Variants in ZFYVE16 observed in about 807,000 individuals in gnomAD.
ZFYVE16 encodes zinc finger FYVE-type containing 16.
A neutral mutation model predicts 138.1 loss-of-function variants in ZFYVE16; 89 were observed. The ratio of observed to expected loss-of-function variants is 0.64; its 90% CI spans 0.54 to 0.77. The LOEUF (loss-of-function observed/expected upper bound fraction) is 0.77, where lower values mean the gene tolerates loss of function less well. Ranked by LOEUF, ZFYVE16 falls within the 30% of genes least tolerant of loss-of-function variation. The pLI is 0.00. For synonymous variants in ZFYVE16, 596 were observed against 618.3 expected (o/e 0.96, Z 0.53); for missense variants, 1,793 against 1,786.7 (o/e 1.00, Z -0.06).
intron 14 of ZFYVE16, among the ~76,000 whole-genome samples, chr5:80,458,704 T>G (rs1374949283): frequency 6.6e-6 from 1 of 152,228 alleles, no homozygotes; most frequent in East Asian, 1.9e-4. Flanking sequence ...TGTACACATT[T>G]GAACCTATCT....
rs560852546 is a variant in ZFYVE16 at position 80,415,761 on chromosome 5, G to A, written c.-94+7608G>A. ...CAGCTCACTGCAACCTCTGCCTACC[G>A]GGTTCAAGCGATTCTCCTGCCTCAG... On this transcript the variant is annotated intron_variant, in intron 1 of 18. Coordinates refer to ENST00000505560, the MANE Select transcript of ZFYVE16 (RefSeq NM_001284236.3). Among the ~76,000 whole-genome samples the A allele has an allele frequency of 1.3e-4, 20 of 152,056 alleles. 1 individual carries two copies. Among genetic ancestry groups the A allele is most frequent in the African/African-American group, 4.1e-4 (17 of 41,492 alleles).
chr5:80,410,942 C>T (rs1561216396), intron 1 of ZFYVE16, among the ~76,000 whole-genome samples: 1 of 146,314 alleles, frequency 6.8e-6, no homozygotes, highest in East Asian at 2.0e-4. Flanking sequence ...GAGCACATGC[C>T]TTTTTTTTTT....
intron 1 of ZFYVE16, among the ~76,000 whole-genome samples, chr5:80,412,828 A>G (rs1745644782): frequency 6.6e-6 from 1 of 152,338 alleles, no homozygotes; most frequent in African/African-American, 2.4e-5. Flanking sequence ...TAATGTTTAT[A>G]TTTATCGAAG....
chr5:80,456,840 C>T (rs1462373216), intron 13 of ZFYVE16, 105 bp from the exon 14 acceptor site: 19 of 1,333,682 alleles, frequency 1.4e-5, no homozygotes, highest in Admixed American at 6.1e-5. Flanking sequence ...CTGTCCAGAC[C>T]GAAGCTTGAT....
intron 1 of ZFYVE16, among the ~76,000 whole-genome samples, chr5:80,424,943 G>C (rs259025): frequency 0.78 from 119,135 of 152,234 alleles, 49,509 homozygotes; most frequent in East Asian, 0.92. Context: ...TTTGTTGCCA[G>C]CATAATTATT....
At chr5:80,434,062 T>G in intron 2 of ZFYVE16, 47 bp from the exon 3 acceptor site, 1 of 1,298,184 alleles carries the variant, frequency 7.7e-7, no homozygotes, top group Non-Finnish European at 1.1e-6. Context: ...TGGCATAAAA[T>G]TTGTTATGTA....
intron 15 of ZFYVE16, among the ~76,000 whole-genome samples, chr5:80,470,673 G>C (rs1034890617): frequency 3.3e-5 from 5 of 151,908 alleles, no homozygotes; most frequent in Admixed American, 6.6e-5. Flanking sequence ...ACCACACCTG[G>C]CTAATTTTTA....
chr5:80,408,937 T>A (rs1333671964), intron 1 of ZFYVE16, among the ~76,000 whole-genome samples: 1 of 151,768 alleles, frequency 6.6e-6, no homozygotes, highest in Admixed American at 6.6e-5. Context: ...TGGCGGGAGT[T>A]TAATGGTTTA....
At chr5:80,473,174 C>G (rs980217574) in intron 16 of ZFYVE16, among the ~76,000 whole-genome samples, 1 of 152,118 alleles carries the variant, frequency 6.6e-6, no homozygotes, top group Non-Finnish European at 1.5e-5. Flanking sequence ...TGTTGTGTAG[C>G]AGTGTGGGCT....
intron 1 of ZFYVE16, among the ~76,000 whole-genome samples, chr5:80,408,808 G>A (rs1166741176): frequency 1.3e-5 from 2 of 152,268 alleles, no homozygotes; most frequent in East Asian, 3.9e-4. Context: ...AGTTTGACTT[G>A]TATGAAAACC....
chr5:80,436,170 A>T (rs1314215076), intron 3 of ZFYVE16, among the ~76,000 whole-genome samples: 1 of 152,292 alleles, frequency 6.6e-6, no homozygotes, highest in East Asian at 1.9e-4. Flanking sequence ...GTAACAGGAG[A>T]ATGCCTCTTA....
At chr5:80,440,603 C>G (rs1750563924) in intron 5 of ZFYVE16, 2 of 981,078 alleles carry the variant, frequency 2.0e-6, no homozygotes, top group Admixed American at 6.4e-5. Context: ...TTCTTTGGCT[C>G]TCTAATTAGC....
chr5:80,455,763 A>G lies in ZFYVE16; in HGVS notation c.3679A>G (p.Asn1227Asp), dbSNP rs1161453623. ...LFGEIGHTIM[N>D]LLVDLRNYQY... ...TGGAGAAATAGGACACACTATTATGAACTTACTTGTTGTGAGTAATTGAAC... is the reference window on the plus strand; with the variant it reads ...TGGAGAAATAGGACACACTATTATGGACTTACTTGTTGTGAGTAATTGAAC... The change falls in exon 12 of 19, where the codon AAC becomes GAC. Residue 1227 changes from asparagine to aspartate, a missense_variant. Asn to Asp is a conservative substitution (Grantham distance 23). Around this residue, in one of 2 missense-constraint regions of ZFYVE16, gnomAD observed 498 missense variants for 582.4 expected, o/e 0.86. Transcript: ENST00000505560. 6.3e-7 allele frequency: 1 copy of G among 1,581,480 alleles called. No individual in the cohort carries two copies. Among genetic ancestry groups the G allele is most frequent in the Non-Finnish European group, 8.5e-7 (1 of 1,171,368 alleles).
intron 15 of ZFYVE16, among the ~76,000 whole-genome samples, chr5:80,471,569 T>C (rs1168983496): frequency 6.6e-6 from 1 of 152,134 alleles, no homozygotes; most frequent in East Asian, 1.9e-4. Context: ...GTATATCCAG[T>C]GCATCGTTGG....
chr5:80,444,859 C>G (rs1751123393), intron 6 of ZFYVE16, among the ~76,000 whole-genome samples: 1 of 152,038 alleles, frequency 6.6e-6, no homozygotes, highest in South Asian at 2.1e-4. Flanking sequence ...TATTCAGTCT[C>G]TACTCCTTAC....
chr5:80,466,448 T>C (rs916886631), intron 15 of ZFYVE16, among the ~76,000 whole-genome samples: 4 of 152,244 alleles, frequency 2.6e-5, no homozygotes, highest in Non-Finnish European at 2.9e-5. Context: ...CTTACAATTT[T>C]GTAATTTCTA....
chr5:80,480,875 G>A lies in ZFYVE16; in HGVS notation c.*3498G>A, dbSNP rs1356404295. ...GTTAAGGCTCCAGTGAGCTGTGATCGTGCAACAGAGCAAAACCTTGTCTCA... is the reference window on the plus strand; with the variant it reads ...GTTAAGGCTCCAGTGAGCTGTGATCATGCAACAGAGCAAAACCTTGTCTCA... On this transcript the variant is annotated 3_prime_UTR_variant, in exon 19 of 19. Coordinates refer to ENST00000505560, the MANE Select transcript of ZFYVE16 (RefSeq NM_001284236.3). Among the ~76,000 whole-genome samples the A allele has an allele frequency of 3.3e-5, 5 of 152,068 alleles. No individual in the cohort carries two copies. In the East Asian group the frequency reaches 7.7e-4, roughly 23 times the overall value.
chr5:80,445,619 G>T (rs1751242809), intron 7 of ZFYVE16, among the ~76,000 whole-genome samples: 1 of 151,696 alleles, frequency 6.6e-6, no homozygotes. Context: ...GGAGTGCAGT[G>T]GCATAATTAC....
intron 2 of ZFYVE16, among the ~76,000 whole-genome samples, chr5:80,428,057 A>G (rs983407026): frequency 2.6e-4 from 39 of 151,136 alleles, no homozygotes; most frequent in Non-Finnish European, 5.0e-4. Flanking sequence ...AGCGTGAGCG[A>G]CACAGAAGAC....
Sources: gnomAD v4.1 joint callset for allele counts (sites outside exome capture counted in the v4.1 genomes callset) on GRCh38, gnomAD v4.1.1 for gene constraint, gnomAD v4.1.1 regional missense constraint, MANE v1.5 for transcripts, NCBI Gene and HGNC (gene_info 2026-07-23, HGNC 2026-07-21) for gene names.